The following KCNQ2 variants were observed in gnomAD, a reference collection of about 807,000 sequenced individuals.
KCNQ2 encodes potassium voltage-gated channel subfamily KQT member 2.
A neutral mutation model predicts 84.8 loss-of-function variants in KCNQ2; 14 were observed. That is an observed-to-expected ratio of 0.17 (90% CI 0.11 to 0.26). The LOEUF (loss-of-function observed/expected upper bound fraction) is 0.26, where lower values mean the gene tolerates loss of function less well. KCNQ2 is among the 10% of genes least tolerant of loss of function. KCNQ2 has a pLI of 1.00. For missense variants in KCNQ2, 788 were observed against 1,254.0 expected, an observed-to-expected ratio of 0.63 and a Z score of 5.61; for synonymous variants, 599 against 554.1, an observed-to-expected ratio of 1.08 and a Z score of -1.14.
chr20:63,472,226 A>C lies in KCNQ2; in HGVS notation c.238T>G (p.Phe80Val). ...RNAFYRKLQN[F>V]LYNVLERPRG... ...GGCCGCTCCAGCACGTTGTAGAGGA[A>C]ATTCTGCAGCTTGCGGTAGAAGGCG... The change falls in exon 1 of 17, where the codon TTC becomes GTC. Residue 80 changes from phenylalanine (F) to valine (V), a missense_variant. Physicochemically the swap from Phe to Val is conservative, Grantham distance 50. Transcript: ENST00000359125. 6.5e-7 allele frequency: 1 copy of C among 1,546,834 alleles called. No homozygotes were observed. Among genetic ancestry groups the C allele is most frequent in the Non-Finnish European group, 8.7e-7 (1 of 1,147,436 alleles).
At chr20:63,457,639 G>A (rs1189638920) in intron 1 of KCNQ2, among the ~76,000 whole-genome samples, 1 of 152,216 alleles carries the variant, frequency 6.6e-6, no homozygotes, top group Non-Finnish European at 1.5e-5. Context: ...GAACAGGAGT[G>A]GAGGAGCTGG....
In KCNQ2 at chr20:63,443,445, CCACCAT is replaced by C. The variant is rs1568937909; in HGVS notation, c.691-920_691-915del. The stretch of plus-strand genomic sequence containing the variant: ...ACCATCATCACCATCACCATCACCA[CCACCAT>C]CACCATCACCACCATCACCACCATC... On this transcript the variant is annotated intron_variant, in intron 4 of 16. Coordinates refer to ENST00000359125, the MANE Select transcript of KCNQ2 (RefSeq NM_172107.4). Among the ~76,000 whole-genome samples the C allele has an allele frequency of 1.2e-3, 55 of 44,290 alleles. 1 individual carries two copies. In the South Asian group the frequency reaches 0.025, roughly 20 times the overall value. 29.1% of individuals were successfully genotyped at this position (44,290 alleles called of 152,430 possible). A position where few individuals can be genotyped will look rare whatever the true frequency, so the allele number is the denominator to read the frequency against.
intron 1 of KCNQ2, among the ~76,000 whole-genome samples, chr20:63,453,017 C>T (rs1056807086): frequency 1.3e-5 from 2 of 152,198 alleles, no homozygotes; most frequent in Non-Finnish European, 2.9e-5. Context: ...CGTGTGGAGG[C>T]CGGGTGGGTC....
Position 63,446,125 on chromosome 20 carries a change from G to T in KCNQ2, c.387+622C>A, listed in dbSNP as rs1299402179. 1 of 298,978 alleles carries T rather than the reference G, an allele frequency of 3.3e-6. No individual in the cohort carries two copies. The highest frequency in any genetic ancestry group is 6.4e-6 in the Non-Finnish European group (1 of 155,656). The allele number at this position is 298,978 out of a possible 1,614,324, so 18.5% of individuals were successfully genotyped here. ...TCTGAGCCAGTGGGGGACCTGCCTT[G>T]AGTTGGGGGGTGCACAGCAGGGCTG... On this transcript the variant is annotated intron_variant, in intron 2 of 16. Transcript: ENST00000359125. The surrounding 1 kb of genome is among the most constrained non-coding windows in gnomAD (Gnocchi z 5.5).
In KCNQ2 at chr20:63,444,725, C is replaced by G; in HGVS notation, c.624G>C (p.Met208Ile). Residue 208 changes from methionine to isoleucine, a missense_variant, in exon 4 of 17, where the codon ATG (methionine) becomes ATC (isoleucine). Physicochemically the swap from Met to Ile is conservative, Grantham distance 10. Transcript: ENST00000359125. The part of the protein sequence containing the change: ...RSLRFLQILR[M>I]IRMDRRGGTW... ...TGCCTCCCCGCCGGTCCATGCGGAT[C>G]ATCCGCAGAATCTGCAGGAAGCGCA... is the stretch of plus-strand genomic sequence containing the variant. 1 of 1,603,176 alleles carries G rather than the reference C, an allele frequency of 6.2e-7. No individual in the cohort carries two copies. The highest frequency in any genetic ancestry group is 8.5e-7 in the Non-Finnish European group (1 of 1,175,888).
intron 1 of KCNQ2, among the ~76,000 whole-genome samples, chr20:63,453,074 A>G (rs1198058494): frequency 6.7e-6 from 1 of 148,850 alleles, no homozygotes; most frequent in Non-Finnish European, 1.5e-5. Flanking sequence ...CGCCACCCCC[A>G]AGACCACAAG....
At position 63,402,650 on chromosome 20, in the gene KCNQ2, G is replaced by A. The variant is rs982351514; in HGVS notation, c.*3994C>T. ...GAAGGGGGCAAACATTAAACCACACGCCCTGGCTGTGCCTCTCCTCCGGGC... is the reference window on the plus strand; with the variant it reads ...GAAGGGGGCAAACATTAAACCACACACCCTGGCTGTGCCTCTCCTCCGGGC... On this transcript the variant is annotated 3_prime_UTR_variant, in exon 17 of 17. Coordinates refer to ENST00000359125, the MANE Select transcript of KCNQ2 (RefSeq NM_172107.4). The A allele has an allele frequency of 1.3e-5, 2 of 152,334 alleles. No individual in the cohort carries two copies. Among genetic ancestry groups the A allele is most frequent in the African/African-American group, 4.8e-5 (2 of 41,468 alleles). The allele number at this position is 152,334 out of a possible 1,614,324, so 9.4% of individuals were successfully genotyped here.
At chr20:63,443,194 C>CCACCATCACCAT (rs2081286310) in intron 4 of KCNQ2, among the ~76,000 whole-genome samples, 1 of 116,512 alleles carries the variant, frequency 8.6e-6, no homozygotes, top group African/African-American at 3.4e-5. Context: ...ATCACCACCA[C>CCACCATCACCAT]CACCACCATC....
chr20:63,438,564 C>T lies in KCNQ2; in HGVS notation c.1023+61G>A. Reference sequence around the variant, plus strand: ...TGCCAAAGCCCCAGCGGCCTCCACTCCTCAACAAGGTGGGACCAGGACAAG... The same window carrying T: ...TGCCAAAGCCCCAGCGGCCTCCACTTCTCAACAAGGTGGGACCAGGACAAG... On this transcript the variant is annotated intron_variant, in intron 7 of 16. Transcript: ENST00000359125. The surrounding 1 kb of genome is among the most constrained non-coding windows in gnomAD (Gnocchi z 5.1). The T allele has an allele frequency of 1.4e-6, 2 of 1,453,452 alleles. No individual in the cohort carries two copies. Among genetic ancestry groups the T allele is most frequent in the South Asian group, 1.1e-5 (1 of 88,110 alleles). 90.0% of individuals were successfully genotyped at this position (1,453,452 alleles called of 1,614,324 possible). A position where few individuals can be genotyped will look rare whatever the true frequency, so the allele number is the denominator to read the frequency against.
intron 6 of KCNQ2, among the ~76,000 whole-genome samples, 155 bp downstream of exon 6, chr20:63,439,443 A>G (rs1262933527): frequency 6.6e-6 from 1 of 152,126 alleles, no homozygotes; most frequent in African/African-American, 2.4e-5. Flanking sequence ...TCTGACCCTG[A>G]GCTGCCACCT....
At chr20:63,429,812 C>G (rs1023276014) in intron 9 of KCNQ2, among the ~76,000 whole-genome samples, 2 of 152,206 alleles carry the variant, frequency 1.3e-5, no homozygotes, top group African/African-American at 4.8e-5. Context: ...GGTGCCCCCC[C>G]ACAGGCTAGG....
Position 63,402,148 on chromosome 20 carries a change from T to G in KCNQ2, c.*4496A>C, listed in dbSNP as rs551936541. On this transcript the variant is annotated 3_prime_UTR_variant, in exon 17 of 17. Coordinates refer to ENST00000359125, the MANE Select transcript of KCNQ2 (RefSeq NM_172107.4). The stretch of plus-strand genomic sequence containing the variant: ...CTGGGCACCCTCCACCAGGTCCAAG[T>G]CTCGTGAGCCGTTCCTCTCACACCA... 708 of 92,958 alleles carry G rather than the reference T, an allele frequency of 7.6e-3. 6 individuals are homozygous for G. Among genetic ancestry groups the G allele is most frequent in the African/African-American group, 0.031 (681 of 22,042 alleles). 5.8% of individuals were successfully genotyped at this position (92,958 alleles called of 1,614,324 possible). A position where few individuals can be genotyped will look rare whatever the true frequency, so the allele number is the denominator to read the frequency against.
At position 63,405,812 on chromosome 20, in the gene KCNQ2, G is replaced by A. The variant is rs1311903841; in HGVS notation, c.*832C>T. The A allele has an allele frequency of 1.3e-5, 2 of 152,358 alleles. No individual in the cohort carries two copies. The highest frequency in any genetic ancestry group is 2.9e-5 in the Non-Finnish European group (2 of 68,148). 9.4% of individuals were successfully genotyped at this position (152,358 alleles called of 1,614,324 possible). ...CTCTCACGCACCCACAGAAAGGCCA[G>A]GGCGAGGCAGCTGGAGCCCCCAAGG... is the stretch of plus-strand genomic sequence containing the variant. On this transcript the variant is annotated 3_prime_UTR_variant, in exon 17 of 17. Transcript: ENST00000359125.
intron 5 of KCNQ2, among the ~76,000 whole-genome samples, chr20:63,440,780 G>A (rs567531449): frequency 1.8e-3 from 270 of 152,200 alleles, no homozygotes; most frequent in Non-Finnish European, 3.3e-3. Flanking sequence ...GCAAAGCAGC[G>A]CCAGCACCTG....
rs1384763797 is a variant in KCNQ2, at chr20:63,408,137, G to C, written c.1887+276C>G. ...CCGGCACGTTCCACAAGGAACCCCT[G>C]AGGGATCCACCTCTCAGCAGCCCCC... On this transcript the variant is annotated intron_variant, in intron 16 of 16. Transcript: ENST00000359125. This position sits in a 1 kb window ranked among gnomAD's most constrained non-coding sequence, Gnocchi z 5.0. 8.3e-6 allele frequency: 4 copies of C among 484,838 alleles called. No individual in the cohort carries two copies. Among genetic ancestry groups the C allele is most frequent in the Non-Finnish European group, 1.5e-5 (4 of 263,238 alleles). The allele number at this position is 484,838 out of a possible 1,614,324, so 30.0% of individuals were successfully genotyped here.
Position 63,401,052 on chromosome 20 carries a change from C to T in KCNQ2, c.*5592G>A, listed in dbSNP as rs940345095. 36 of 395,120 alleles carry T rather than the reference C, an allele frequency of 9.1e-5. No homozygotes were observed. The highest frequency in any genetic ancestry group is 1.3e-5 in the Non-Finnish European group (3 of 224,412). 24.5% of individuals were successfully genotyped at this position (395,120 alleles called of 1,614,324 possible). ...GGGGACCGGCCCCTCCTTGCTGGCG[C>T]CTGGCCGAGAGTCAGACGCTGAGGA... On this transcript the variant is annotated 3_prime_UTR_variant, in exon 17 of 17. Coordinates refer to ENST00000359125, the MANE Select transcript of KCNQ2 (RefSeq NM_172107.4).
intron 1 of KCNQ2, among the ~76,000 whole-genome samples, chr20:63,450,694 C>G (rs949308489): frequency 2.0e-5 from 3 of 150,276 alleles, no homozygotes; most frequent in Non-Finnish European, 4.4e-5. Flanking sequence ...GTCTGTGGAG[C>G]CGAGGCTGCG....
Position 63,414,104 on chromosome 20 carries a change from T to A in KCNQ2, c.1615A>T (p.Ser539Cys). The change falls in exon 14 of 17, where the codon AGC (serine) becomes TGC (cysteine). Residue 539 changes from serine to cysteine, a missense_variant. Around this residue, in one of 8 missense-constraint regions of KCNQ2, gnomAD observed 202 missense variants for 239.4 expected, o/e 0.84. Coordinates refer to ENST00000359125, the MANE Select transcript of KCNQ2 (RefSeq NM_172107.4). The surrounding 1 kb of genome is among the most constrained non-coding windows in gnomAD (Gnocchi z 6.6). ...TEDLTPGLKVSIRAVCVMRFL... is the reference protein window; with the variant it reads ...TEDLTPGLKVCIRAVCVMRFL... Reference sequence around the variant, plus strand: ...GGGCCTCACCACACGGCTCTGATGCTGACTTTGAGGCCCGGGGTCAGGTCC... The same window carrying A: ...GGGCCTCACCACACGGCTCTGATGCAGACTTTGAGGCCCGGGGTCAGGTCC... 1 of 1,613,480 alleles carries A rather than the reference T, an allele frequency of 6.2e-7. No homozygotes were observed. Among genetic ancestry groups the A allele is most frequent in the Non-Finnish European group, 8.5e-7 (1 of 1,179,856 alleles).
At chr20:63,445,386 G>C in intron 2 of KCNQ2, 22 bp from the exon 3 acceptor site, 1 of 1,612,712 alleles carries the variant, frequency 6.2e-7, no homozygotes, top group South Asian at 1.1e-5. Flanking sequence ...GAAAGCTGAG[G>C]CCACCTTGAG....
Sources: gnomAD v4.1 joint callset for allele counts (sites outside exome capture counted in the v4.1 genomes callset) on GRCh38, gnomAD v4.1.1 for gene constraint, gnomAD v4.1.1 regional missense constraint, Gnocchi (gnomAD v3.1) non-coding constraint, MANE v1.5 for transcripts, NCBI Gene and HGNC (gene_info 2026-07-23, HGNC 2026-07-21) for gene names.